LPXN: variants seen among roughly 807,000 people sequenced by gnomAD.
LPXN encodes the protein leupaxin.
A neutral mutation model predicts 45.6 loss-of-function variants in LPXN; 28 were observed. The observed-to-expected ratio is 0.61, with a 90% CI of 0.45 to 0.84. The LOEUF is 0.84. Ranked by LOEUF, LPXN falls within the 40% of genes least tolerant of loss-of-function variation. LPXN has a pLI of 0.00. For synonymous variants in LPXN, 166 were observed against 169.9 expected, an observed-to-expected ratio of 0.98 and a Z score of 0.18; for missense variants, 459 against 475.0, an observed-to-expected ratio of 0.97 and a Z score of 0.31.
In LPXN at chr11:58,549,309, G is replaced by A. The variant is rs1397802339; in HGVS notation, c.742+477C>T. Among the ~76,000 whole-genome samples the A allele has an allele frequency of 3.9e-5, 6 of 152,128 alleles. No individual in the cohort carries two copies. The South Asian group carries it at 6.2e-4, about 16-fold the overall frequency. Reference sequence around the variant, plus strand: ...CTTGGGAGGCTGAGGCAGGAGAATCGCTTGAACCCAGGAGGTGGAGGTTGC... The same window carrying A: ...CTTGGGAGGCTGAGGCAGGAGAATCACTTGAACCCAGGAGGTGGAGGTTGC... On this transcript the variant is annotated intron_variant, in intron 7 of 8. Coordinates refer to ENST00000395074, the MANE Select transcript of LPXN (RefSeq NM_004811.3).
At position 58,571,472 on chromosome 11, in the gene LPXN, T is replaced by C. The variant is rs117758597; in HGVS notation, c.14-759A>G. Among the ~76,000 whole-genome samples the C allele has an allele frequency of 3.4e-3, 519 of 152,138 alleles. 2 individuals are homozygous for C. Among genetic ancestry groups the C allele is most frequent in the Non-Finnish European group, 5.9e-3 (402 of 67,974 alleles). The stretch of plus-strand genomic sequence containing the variant: ...GGGAAATAACACTTATTCTTAATCC[T>C]AATGATATTTTTTCTTAAATCTTAA... On this transcript the variant is annotated intron_variant, in intron 1 of 8. Coordinates refer to ENST00000395074, the MANE Select transcript of LPXN (RefSeq NM_004811.3).
At chr11:58,553,015 G>A (rs1474311106) in intron 4 of LPXN, among the ~76,000 whole-genome samples, 1 of 152,094 alleles carries the variant, frequency 6.6e-6, no homozygotes, top group Non-Finnish European at 1.5e-5. Flanking sequence ...TTTGATTTGT[G>A]TACAATGTGA....
chr11:58,536,813 GA>G (rs888757776), intron 7 of LPXN, among the ~76,000 whole-genome samples: 1 of 141,100 alleles, frequency 7.1e-6, no homozygotes, highest in Non-Finnish European at 1.6e-5. Context: ...AAATTTACAA[GA>G]AAAAAAAACA....
At chr11:58,574,842 AT>A (rs1159537637) in intron 1 of LPXN, among the ~76,000 whole-genome samples, 3 of 151,770 alleles carry the variant, frequency 2.0e-5, no homozygotes, top group African/African-American at 4.8e-5. Flanking sequence ...ATCACACGCC[AT>A]TTTTTTTAAG....
Position 58,551,204 on chromosome 11 carries a change from T to C in LPXN, c.347A>G (p.Lys116Arg). Residue 116 changes from lysine to arginine, a missense_variant, in exon 5 of 9, where the codon AAG (lysine) becomes AGG (arginine). Lys to Arg is a conservative substitution (Grantham distance 26, BLOSUM62 2). Transcript: ENST00000395074. ...GTGATCCTGCTTGTCTGGTAAGTGC[T>C]TCTTGCCAGCATCTGCTCTCACTGC... ...KVAVRADAGK[K>R]HLPDKQDHKA... is the part of the protein sequence containing the mutation. 1.9e-6 allele frequency: 3 copies of C among 1,610,300 alleles called. No homozygotes were observed. The highest frequency in any genetic ancestry group is 2.5e-6 in the Non-Finnish European group (3 of 1,178,358).
At chr11:58,544,028 A>T (rs997151565) in intron 7 of LPXN, among the ~76,000 whole-genome samples, 4 of 152,146 alleles carry the variant, frequency 2.6e-5, no homozygotes, top group Non-Finnish European at 5.9e-5. Flanking sequence ...CAGACAATTT[A>T]GCAGAATTTT....
Position 58,550,172 on chromosome 11 carries a change from C to T in LPXN, c.487-26G>A, listed in dbSNP as rs202221801. On this transcript the variant is annotated intron_variant, in intron 5 of 8. Coordinates refer to ENST00000395074, the MANE Select transcript of LPXN (RefSeq NM_004811.3). ...CTGTGGAGTGAAATAAAGCCTGACA[C>T]AGGAGGCCAGTTGAGTGCTCTACAG... 100 of 1,605,434 alleles carry T rather than the reference C, an allele frequency of 6.2e-5. No homozygotes were observed. In the East Asian group the frequency reaches 8.3e-4, roughly 13 times the overall value.
At chr11:58,560,893 T>C (rs1590571837) in intron 3 of LPXN, among the ~76,000 whole-genome samples, 1 of 152,242 alleles carries the variant, frequency 6.6e-6, no homozygotes, top group Non-Finnish European at 1.5e-5. Context: ...TAATAATTTA[T>C]TGCTGGACAC....
chr11:58,536,242 C>T (rs905129022), intron 7 of LPXN, among the ~76,000 whole-genome samples: 1 of 152,144 alleles, frequency 6.6e-6, no homozygotes, highest in African/African-American at 2.4e-5. Context: ...AGGCATCATG[C>T]TACCTGACTT....
intron 4 of LPXN, among the ~76,000 whole-genome samples, chr11:58,552,741 T>C (rs1326589610): frequency 6.6e-6 from 1 of 152,212 alleles, no homozygotes; most frequent in African/African-American, 2.4e-5. Flanking sequence ...TAATATATGT[T>C]AGTTAATATT....
chr11:58,562,277 A>C (rs1396184637), intron 3 of LPXN, among the ~76,000 whole-genome samples: 1 of 152,242 alleles, frequency 6.6e-6, no homozygotes, highest in Non-Finnish European at 1.5e-5. Context: ...AATACTTTGA[A>C]GGTATGTTAA....
intron 7 of LPXN, among the ~76,000 whole-genome samples, chr11:58,542,178 CTT>C (rs1425660066): frequency 6.6e-6 from 1 of 151,032 alleles, no homozygotes; most frequent in African/African-American, 2.4e-5. Context: ...TACCCTAAAA[CTT>C]AAAGTATAAT....
intron 7 of LPXN, among the ~76,000 whole-genome samples, chr11:58,532,752 G>C (rs1853431020): frequency 6.6e-6 from 1 of 152,220 alleles, no homozygotes; most frequent in African/African-American, 2.4e-5. Flanking sequence ...AGCAAGATGT[G>C]GGTGGGGCCA....
At chr11:58,570,964 C>T (rs756285500) in intron 1 of LPXN, among the ~76,000 whole-genome samples, 2 of 152,128 alleles carry the variant, frequency 1.3e-5, no homozygotes, top group Non-Finnish European at 2.9e-5. Flanking sequence ...TAGTCTCATG[C>T]TATAATTTGA....
At chr11:58,527,902 C>A in intron 8 of LPXN, 141 bp downstream of exon 8, 3 of 1,156,280 alleles carry the variant, frequency 2.6e-6, no homozygotes, top group Non-Finnish European at 3.7e-6. Flanking sequence ...GCAAATGGAT[C>A]TGTATCTCGT....
Position 58,570,690 on chromosome 11 carries a change from G to A in LPXN, c.37C>T (p.Arg13Cys), listed in dbSNP as rs202037573. Residue 13 changes from arginine to cysteine, a missense_variant, in exon 2 of 9, where the codon CGC becomes TGC. By Grantham distance (180) the Arg-to-Cys change is radical. Transcript: ENST00000395074. ...TCATCACTGTCCTGAAGGGTGGAGC[G>A]TTCCAGTTCCTCCAATAAGGCATCT... ...ELDALLEELERSTLQDSDEYS... is the reference protein window; with the variant it reads ...ELDALLEELECSTLQDSDEYS... The A allele has an allele frequency of 3.3e-5, 53 of 1,610,136 alleles. No homozygotes were observed. Among genetic ancestry groups the A allele is most frequent in the Middle Eastern group, 1.7e-4 (1 of 6,030 alleles).
At chr11:58,541,685 A>G (rs977936884) in intron 7 of LPXN, among the ~76,000 whole-genome samples, 6 of 150,518 alleles carry the variant, frequency 4.0e-5, no homozygotes, top group Non-Finnish European at 7.4e-5. Context: ...CCATCCCATT[A>G]CTAGGTATAT....
At chr11:58,532,366 C>T (rs1025060737) in intron 7 of LPXN, among the ~76,000 whole-genome samples, 1 of 152,256 alleles carries the variant, frequency 6.6e-6, no homozygotes, top group Non-Finnish European at 1.5e-5. Context: ...CCGCCCGCAG[C>T]CCTGGCATGG....
chr11:58,561,044 G>A (rs1854359078), intron 3 of LPXN, among the ~76,000 whole-genome samples: 1 of 152,042 alleles, frequency 6.6e-6, no homozygotes, highest in Admixed American at 6.6e-5. Context: ...AACTGACTGT[G>A]GAATCATGTT....
Sources: gnomAD v4.1 joint callset for allele counts (sites outside exome capture counted in the v4.1 genomes callset) on GRCh38, gnomAD v4.1.1 for gene constraint, MANE v1.5 for transcripts, NCBI Gene and HGNC (gene_info 2026-07-23, HGNC 2026-07-21) for gene names.